DAB1: variants seen among roughly 807,000 people sequenced by gnomAD.
The protein encoded by DAB1 is DAB adaptor protein 1, also known as disabled homolog 1.
In DAB1, 15 loss-of-function variants were observed where a neutral mutation model predicts 64.6. That is an observed-to-expected ratio of 0.23 (90% confidence interval 0.16 to 0.36). The LOEUF (loss-of-function observed/expected upper bound fraction) is 0.36. DAB1 is among the 10% of genes least tolerant of loss of function. DAB1 has a pLI of 1.00. For missense variants in DAB1, 596 were observed against 706.7 expected (o/e 0.84, Z 1.78); for synonymous variants, 235 against 251.9 (o/e 0.93, Z 0.64).
At chr1:57,156,871 G>C (rs1039021298) in intron 2 of DAB1, among the ~76,000 whole-genome samples, 1 of 152,176 alleles carries the variant, frequency 6.6e-6, no homozygotes, top group African/African-American at 2.4e-5. Flanking sequence ...AGACCTCGAA[G>C]ATTCTGTCAG....
chr1:57,873,612 C>T (rs187654854), intron 1 of DAB1, among the ~76,000 whole-genome samples: 2 of 152,258 alleles, frequency 1.3e-5, no homozygotes, highest in African/African-American at 2.4e-5. Flanking sequence ...AAAACAATCT[C>T]GCTGCCCAAT....
intron 5 of DAB1, among the ~76,000 whole-genome samples, chr1:58,032,870 T>C (rs1646990871): frequency 6.6e-6 from 1 of 152,180 alleles, no homozygotes; most frequent in Non-Finnish European, 1.5e-5. Flanking sequence ...TCAGGGAGCC[T>C]CTCATAGCCT....
chr1:57,928,028 A>G (rs1426096566), intron 5 of DAB1, among the ~76,000 whole-genome samples: 1 of 152,204 alleles, frequency 6.6e-6, no homozygotes, highest in East Asian at 1.9e-4. Flanking sequence ...CTCAGTATGA[A>G]TATCATTAAC....
At chr1:57,892,653 T>G (rs750345113) in intron 5 of DAB1, among the ~76,000 whole-genome samples, 29 of 152,338 alleles carry the variant, frequency 1.9e-4, no homozygotes, top group Non-Finnish European at 3.4e-4. Context: ...ATAGTCTCTT[T>G]GTGCTTCTTC....
intron 9 of DAB1, among the ~76,000 whole-genome samples, chr1:57,041,066 A>G (rs1001644182): frequency 1.3e-5 from 2 of 152,248 alleles, no homozygotes; most frequent in Admixed American, 1.3e-4. Context: ...CTGAATGCAG[A>G]GCAAATCAGA....
intron 1 of DAB1, among the ~76,000 whole-genome samples, chr1:57,380,932 T>C (rs1570410960): frequency 6.6e-6 from 1 of 152,180 alleles, no homozygotes; most frequent in East Asian, 1.9e-4. Flanking sequence ...ATGTAAGAGT[T>C]GATGAGTATG....
At chr1:58,538,802 C>T (rs1646558786) in intron 1 of DAB1, 1 of 804,806 alleles carries the variant, frequency 1.2e-6, no homozygotes, top group Non-Finnish European at 2.1e-6. Context: ...TACCTGCCTA[C>T]AATGATTGCA....
At chr1:58,209,082 A>G (rs913375693) in intron 4 of DAB1, among the ~76,000 whole-genome samples, 3 of 152,192 alleles carry the variant, frequency 2.0e-5, no homozygotes, top group Admixed American at 2.0e-4. Flanking sequence ...AGACACTCCA[A>G]GTATCTTCAC....
intron 1 of DAB1, among the ~76,000 whole-genome samples, chr1:57,353,414 C>T (rs764017153): frequency 3.3e-5 from 5 of 152,026 alleles, no homozygotes; most frequent in Middle Eastern, 3.2e-3. Context: ...TTCTGGATTA[C>T]GAGATCCTTG....
intron 5 of DAB1, among the ~76,000 whole-genome samples, chr1:57,970,051 AC>A (rs1645760716): frequency 1.3e-5 from 2 of 152,156 alleles, no homozygotes; most frequent in Non-Finnish European, 2.9e-5. Context: ...CACCTCTTCT[AC>A]CATGTGAGGA....
At chr1:57,399,368 G>C (rs1416393341) in intron 1 of DAB1, among the ~76,000 whole-genome samples, 1 of 152,138 alleles carries the variant, frequency 6.6e-6, no homozygotes, top group Non-Finnish European at 1.5e-5. Context: ...ATGGATGGAT[G>C]GCATAGTTTC....
Position 58,149,726 on chromosome 1 carries a change from G to A in DAB1, n.387+785C>T, listed in dbSNP as rs552879951. On this transcript the variant is annotated intron_variant and non_coding_transcript_variant, in intron 5 of 20. Transcript: ENST00000485760. ...AGGTAGGAGGTGATTTTTACCAAAC[G>A]GGGAGTTTTCACAAAGCCTTCTTCT... Among the ~76,000 whole-genome samples the A allele has an allele frequency of 7.9e-5, 12 of 152,216 alleles. No homozygotes were observed. In the East Asian group the frequency reaches 9.7e-4, roughly 12 times the overall value.
intron 5 of DAB1, among the ~76,000 whole-genome samples, chr1:58,107,083 T>TA (rs111340126): frequency 0.065 from 9,778 of 150,240 alleles, 564 homozygotes; most frequent in African/African-American, 0.15. Context: ...TAATAGCTAG[T>TA]AAAAAAAAAC....
intron 4 of DAB1, among the ~76,000 whole-genome samples, chr1:58,336,751 A>G (rs977187197): frequency 2.6e-5 from 4 of 152,152 alleles, no homozygotes; most frequent in Non-Finnish European, 4.4e-5. Context: ...CATGTTTGCT[A>G]ATAGCTAGGG....
At chr1:57,934,114 A>G (rs1298435881) in intron 5 of DAB1, among the ~76,000 whole-genome samples, 1 of 87,552 alleles carries the variant, frequency 1.1e-5, no homozygotes, top group Non-Finnish European at 2.6e-5. Context: ...TTTAGTAGAG[A>G]CGAGGTTTCA....
intron 9 of DAB1, among the ~76,000 whole-genome samples, chr1:57,028,062 G>T: frequency 6.6e-6 from 1 of 152,150 alleles, no homozygotes; most frequent in East Asian, 1.9e-4. Flanking sequence ...ACAAGATGCT[G>T]TGGGAGTACC....
intron 6 of DAB1, among the ~76,000 whole-genome samples, chr1:57,673,970 T>C (rs1646536137): frequency 6.6e-6 from 1 of 152,170 alleles, no homozygotes; most frequent in African/African-American, 2.4e-5. Context: ...ATTAAGAGGA[T>C]AGCTTTCATT....
At chr1:57,150,717 G>A (rs1046803119) in intron 2 of DAB1, among the ~76,000 whole-genome samples, 4 of 152,188 alleles carry the variant, frequency 2.6e-5, no homozygotes, top group African/African-American at 9.7e-5. Context: ...TGTAAAAAAG[G>A]AGGGTTTCAA....
chr1:57,484,026 G>C (rs938269199), intron 7 of DAB1, among the ~76,000 whole-genome samples: 2 of 152,194 alleles, frequency 1.3e-5, no homozygotes, highest in East Asian at 3.8e-4. Flanking sequence ...ATGCACAAGG[G>C]AGAGGTGGGG....
Sources: gnomAD v4.1 joint callset for allele counts (sites outside exome capture counted in the v4.1 genomes callset) on GRCh38, gnomAD v4.1.1 for gene constraint, MANE v1.5 for transcripts, NCBI Gene and HGNC (gene_info 2026-07-23, HGNC 2026-07-21) for gene names.